Variants in PLXDC2 observed in about 807,000 individuals in gnomAD.
PLXDC2 encodes plexin domain-containing protein 2.
Under a neutral mutation model 68.9 loss-of-function variants are expected in PLXDC2, and 40 were observed. That is an observed-to-expected ratio of 0.58 (90% CI 0.45 to 0.76). The LOEUF (loss-of-function observed/expected upper bound fraction) is 0.76, where lower values mean the gene tolerates loss of function less well. Among genes scored for constraint, PLXDC2 ranks in the 30% least tolerant of loss-of-function variants. The probability of loss-of-function intolerance (pLI) is 0.00; values close to 1 mark genes in which losing one functional copy is unlikely to be tolerated. For synonymous variants in PLXDC2, 243 were observed against 234.2 expected (o/e 1.04, Z -0.34); for missense variants, 644 against 661.9 (o/e 0.97, Z 0.30).
At chr10:20,275,446 A>C (rs1835993829) in intron 13 of PLXDC2, among the ~76,000 whole-genome samples, 1 of 152,180 alleles carries the variant, frequency 6.6e-6, no homozygotes, top group South Asian at 2.1e-4. Flanking sequence ...TAGTTTCCAA[A>C]ACACATGTTT....
intron 4 of PLXDC2, among the ~76,000 whole-genome samples, chr10:20,106,917 T>C (rs890916030): frequency 6.6e-6 from 1 of 151,452 alleles, no homozygotes; most frequent in Non-Finnish European, 1.5e-5. Flanking sequence ...GTATAAAGGA[T>C]AAAGTAACAG....
chr10:19,994,031 T>G (rs911845895), intron 1 of PLXDC2, among the ~76,000 whole-genome samples: 1 of 152,172 alleles, frequency 6.6e-6, no homozygotes, highest in African/African-American at 2.4e-5. Flanking sequence ...TTGTTCTTTT[T>G]TTCATCTAGT....
intron 1 of PLXDC2, among the ~76,000 whole-genome samples, chr10:19,856,412 A>ACACACACT (rs10665071): frequency 1.4e-5 from 2 of 145,992 alleles, no homozygotes; most frequent in East Asian, 4.1e-4. Context: ...ACACACACAC[A>ACACACACT]CTCACACAAT....
intron 4 of PLXDC2, among the ~76,000 whole-genome samples, chr10:20,124,883 C>T (rs562925409): frequency 7.9e-5 from 12 of 152,154 alleles, no homozygotes; most frequent in East Asian, 1.9e-4. Context: ...TGGATGTGTA[C>T]GTGCAGGTCA....
intron 1 of PLXDC2, among the ~76,000 whole-genome samples, chr10:19,861,681 C>T (rs1837321838): frequency 1.3e-5 from 2 of 152,172 alleles, no homozygotes; most frequent in African/African-American, 4.8e-5. Context: ...ATTTCTTTCT[C>T]ATCTTTCAAA....
intron 6 of PLXDC2, among the ~76,000 whole-genome samples, chr10:20,155,307 A>G (rs939931988): frequency 2.0e-5 from 3 of 152,240 alleles, no homozygotes; most frequent in Admixed American, 6.5e-5. Context: ...AGGTAATTCA[A>G]GAAAGTCAGA....
intron 3 of PLXDC2, among the ~76,000 whole-genome samples, chr10:20,064,552 C>A (rs1030367978): frequency 6.6e-6 from 1 of 152,052 alleles, no homozygotes; most frequent in Non-Finnish European, 1.5e-5. Context: ...TTTTTGGTTG[C>A]AGAAGAGTCC....
At chr10:19,861,273 G>A (rs1298715388) in intron 1 of PLXDC2, among the ~76,000 whole-genome samples, 1 of 151,952 alleles carries the variant, frequency 6.6e-6, no homozygotes, top group East Asian at 1.9e-4. Flanking sequence ...GACCTCAGGT[G>A]ACCCGCCCAC....
At position 20,133,808 on chromosome 10, in the gene PLXDC2, T is replaced by C. The variant is rs185576789; in HGVS notation, c.542-9487T>C. Among the ~76,000 whole-genome samples the C allele has an allele frequency of 2.6e-5, 4 of 152,324 alleles. No homozygotes were observed. In the East Asian group the frequency reaches 7.7e-4, roughly 29 times the overall value. ...ATAATAAGCTTTTGCCTTTTCTCTT[T>C]CTCTGCTTCTTCTGGAACTCCCATA... is the stretch of plus-strand genomic sequence containing the variant. On this transcript the variant is annotated intron_variant, in intron 4 of 13. Coordinates refer to ENST00000377252, the MANE Select transcript of PLXDC2 (RefSeq NM_032812.9).
chr10:19,827,130 TG>T (rs1343310077), intron 1 of PLXDC2, among the ~76,000 whole-genome samples: 1 of 152,202 alleles, frequency 6.6e-6, no homozygotes, highest in Non-Finnish European at 1.5e-5. Flanking sequence ...CTAGAATTTC[TG>T]GGTTATTGGG....
At chr10:19,883,144 A>T (rs1027798112) in intron 1 of PLXDC2, among the ~76,000 whole-genome samples, 8 of 151,672 alleles carry the variant, frequency 5.3e-5, no homozygotes, top group African/African-American at 1.7e-4. Context: ...TTGTATTTTT[A>T]GTAGAGATGG....
chr10:19,992,737 G>A lies in PLXDC2; in HGVS notation c.113-9038G>A, dbSNP rs12242063. 4.9e-3 allele frequency among the ~76,000 whole-genome samples: 744 copies of A among 152,184 alleles called. 6 individuals carry two copies. Among genetic ancestry groups the A allele is most frequent in the African/African-American group, 0.017 (692 of 41,532 alleles). ...TTACTGTAGTATTACTTTCTGCTCC[G>A]TTTTTACCTTAACAGCATTTCATTT... On this transcript the variant is annotated intron_variant, in intron 1 of 13. Transcript: ENST00000377252.
At chr10:20,182,071 TTGTGTGTGTGTGTGTG>T in intron 9 of PLXDC2, among the ~76,000 whole-genome samples, 1 of 146,564 alleles carries the variant, frequency 6.8e-6, no homozygotes, top group Admixed American at 6.9e-5. Flanking sequence ...AACCGGTTAT[TTGTGTGTGTGTGTGTG>T]TGTGTGTGTG....
chr10:20,001,715 G>A (rs1377749935), intron 1 of PLXDC2, 60 bp from the exon 2 acceptor site: 25 of 1,477,064 alleles, frequency 1.7e-5, no homozygotes, highest in African/African-American at 7.0e-5. Context: ...CGAGCCGATA[G>A]CACTTGCATG....
chr10:20,011,502 A>T (rs1283673408), intron 2 of PLXDC2, among the ~76,000 whole-genome samples: 2 of 152,222 alleles, frequency 1.3e-5, no homozygotes, highest in African/African-American at 4.8e-5. Context: ...CCAGGGCTCA[A>T]GGAATATTGA....
At chr10:20,042,772 G>A (rs1564293186) in intron 2 of PLXDC2, among the ~76,000 whole-genome samples, 1 of 152,082 alleles carries the variant, frequency 6.6e-6, no homozygotes, top group Admixed American at 6.6e-5. Context: ...CTACAGAATG[G>A]CTAAGCTGTA....
At chr10:20,210,722 G>A (rs1319242677) in intron 9 of PLXDC2, among the ~76,000 whole-genome samples, 1 of 152,164 alleles carries the variant, frequency 6.6e-6, no homozygotes, top group East Asian at 1.9e-4. Context: ...CAGCAAAGGT[G>A]AAATGCACGT....
intron 1 of PLXDC2, among the ~76,000 whole-genome samples, chr10:19,825,355 T>C (rs562217182): frequency 6.6e-6 from 1 of 152,304 alleles, no homozygotes; most frequent in East Asian, 1.9e-4. Context: ...AATCCGAATA[T>C]TTGAAAGTCA....
chr10:20,042,659 T>A (rs1835703172), intron 2 of PLXDC2, among the ~76,000 whole-genome samples: 1 of 152,194 alleles, frequency 6.6e-6, no homozygotes, highest in Non-Finnish European at 1.5e-5. Flanking sequence ...CATTACTGCA[T>A]GAGGCAATGT....
Sources: allele counts gnomAD v4.1 joint callset (sites outside exome capture counted in the v4.1 genomes callset), GRCh38; gene constraint gnomAD v4.1.1; transcripts MANE v1.5; gene names NCBI Gene and HGNC (gene_info 2026-07-23, HGNC 2026-07-21).